The following MARCHF1 variants were observed in gnomAD, a reference collection of about 807,000 sequenced individuals.
MARCHF1 encodes E3 ubiquitin-protein ligase MARCHF1.
In MARCHF1, 40 loss-of-function variants were observed where a neutral mutation model predicts 54.2. The observed-to-expected ratio is 0.74, with a 90% CI of 0.57 to 0.96. The LOEUF is 0.96. MARCHF1 is among the 40% of genes least tolerant of loss of function. MARCHF1 has a pLI of 0.00. For missense variants in MARCHF1, 586 were observed against 656.5 expected (o/e 0.89, Z 1.17); for synonymous variants, 236 against 236.3 (o/e 1.00, Z 0.01).
intron 5 of MARCHF1, among the ~76,000 whole-genome samples, chr4:163,692,447 C>T (rs1744492145): frequency 6.6e-6 from 1 of 152,116 alleles, no homozygotes; most frequent in African/African-American, 2.4e-5. Flanking sequence ...TTCTGGGCAG[C>T]AGCAGCATGA....
intron 1 of MARCHF1, among the ~76,000 whole-genome samples, chr4:164,167,579 C>T (rs1199304159): frequency 6.6e-6 from 1 of 151,364 alleles, no homozygotes; most frequent in East Asian, 1.9e-4. Context: ...AAAAAAAAGA[C>T]ACAAAGGCCA....
chr4:163,573,757 G>A (rs1453148134), intron 8 of MARCHF1, among the ~76,000 whole-genome samples: 4 of 151,896 alleles, frequency 2.6e-5, no homozygotes, highest in African/African-American at 9.7e-5. Context: ...ATTGTGAATA[G>A]TGCCACAATA....
At chr4:164,023,789 T>A (rs1753715308) in intron 2 of MARCHF1, among the ~76,000 whole-genome samples, 1 of 152,160 alleles carries the variant, frequency 6.6e-6, no homozygotes, top group Non-Finnish European at 1.5e-5. Context: ...ACAAGAAAGC[T>A]TATTGAGAGC....
Position 163,528,367 on chromosome 4 carries a change from G to GTAA in MARCHF1, c.*378_*380dup. 1 of 186,214 alleles carries GTAA rather than the reference G, an allele frequency of 5.4e-6. No individual in the cohort carries two copies. Among genetic ancestry groups the GTAA allele is most frequent in the South Asian group, 1.3e-4 (1 of 7,536 alleles). 11.5% of individuals were successfully genotyped at this position (186,214 alleles called of 1,614,324 possible). ...CAGTTAACATTACAAGGCCCTAGAA[G>GTAA]TAATACACATCGCAATTCAAGTCTG... On this transcript the variant is annotated 3_prime_UTR_variant, in exon 10 of 10. Coordinates refer to ENST00000514618, the MANE Select transcript of MARCHF1 (RefSeq NM_001394959.1).
At chr4:163,775,654 T>C (rs1747283623) in intron 4 of MARCHF1, among the ~76,000 whole-genome samples, 1 of 152,122 alleles carries the variant, frequency 6.6e-6, no homozygotes, top group East Asian at 1.9e-4. Context: ...AAGGACTTGA[T>C]TCCCTGATTT....
chr4:163,767,428 G>A (rs1747014935), intron 4 of MARCHF1, among the ~76,000 whole-genome samples: 1 of 151,816 alleles, frequency 6.6e-6, no homozygotes, highest in Non-Finnish European at 1.5e-5. Flanking sequence ...CCCCCTCCTG[G>A]GTTCACGCCA....
chr4:163,719,480 G>T (rs542420907), intron 4 of MARCHF1, among the ~76,000 whole-genome samples: 1 of 152,020 alleles, frequency 6.6e-6, no homozygotes, highest in Admixed American at 6.5e-5. Flanking sequence ...GAATACTGCC[G>T]CAATAAACAG....
intron 1 of MARCHF1, among the ~76,000 whole-genome samples, chr4:164,181,858 G>A (rs577326180): frequency 6.0e-4 from 91 of 152,186 alleles, no homozygotes; most frequent in Non-Finnish European, 1.2e-3. Flanking sequence ...TTTAGCTAAG[G>A]ACTATGCCAC....
Position 163,528,939 on chromosome 4 carries a change from G to A in MARCHF1, c.1447C>T (p.Arg483Cys), listed in dbSNP as rs138184332. The A allele has an allele frequency of 9.3e-6, 15 of 1,613,276 alleles. No individual in the cohort carries two copies. Among genetic ancestry groups the A allele is most frequent in the South Asian group, 7.7e-5 (7 of 91,066 alleles). Residue 483 changes from arginine to cysteine, a missense_variant, in exon 10 of 10, where the codon CGC (arginine) becomes TGC (cysteine). Physicochemically the swap from Arg to Cys is radical, Grantham distance 180 (BLOSUM62 -3). Around this residue, in one of 3 missense-constraint regions of MARCHF1, gnomAD observed 106 missense variants for 93.8 expected, o/e 1.13. Coordinates refer to ENST00000514618, the MANE Select transcript of MARCHF1 (RefSeq NM_001394959.1). Reference sequence around the variant, plus strand: ...ACACGGTTGTAGGCCTTCAGCCTGCGCCACAACTGAACATAGACTTTACAC... The same window carrying A: ...ACACGGTTGTAGGCCTTCAGCCTGCACCACAACTGAACATAGACTTTACAC... ...VQCKVYVQLW[R>C]RLKAYNRVIF...
At chr4:164,225,597 T>C (rs1026138254) in intron 1 of MARCHF1, among the ~76,000 whole-genome samples, 2 of 151,996 alleles carry the variant, frequency 1.3e-5, no homozygotes, top group Non-Finnish European at 2.9e-5. Context: ...ACTGAATAAC[T>C]CACTTTTTGT....
At chr4:163,634,693 A>C (rs1258843254) in intron 5 of MARCHF1, among the ~76,000 whole-genome samples, 17 of 151,700 alleles carry the variant, frequency 1.1e-4, no homozygotes, top group East Asian at 2.0e-4. Flanking sequence ...ATCAACGAGA[A>C]AGAAAGTCAA....
intron 1 of MARCHF1, among the ~76,000 whole-genome samples, chr4:164,360,224 GA>G (rs201408549): frequency 2.0e-5 from 3 of 151,080 alleles, no homozygotes; most frequent in East Asian, 1.9e-4. Context: ...TGGCAAAAAA[GA>G]AAAAAAAATC....
chr4:163,711,619 A>G (rs973463047), intron 4 of MARCHF1, among the ~76,000 whole-genome samples: 6 of 152,286 alleles, frequency 3.9e-5, no homozygotes, highest in African/African-American at 1.4e-4. Context: ...CCACAAACTG[A>G]CTTTGCCCCA....
intron 3 of MARCHF1, among the ~76,000 whole-genome samples, chr4:163,948,577 G>T (rs1379413452): frequency 6.6e-6 from 1 of 152,194 alleles, no homozygotes; most frequent in Non-Finnish European, 1.5e-5. Flanking sequence ...TTGTTTTTCA[G>T]AAAAGCCTAT....
chr4:164,181,472 C>A (rs73873807), intron 1 of MARCHF1, among the ~76,000 whole-genome samples: 1 of 152,092 alleles, frequency 6.6e-6, no homozygotes, highest in East Asian at 1.9e-4. Context: ...ACTAATTTCA[C>A]GCTAGGGAAT....
intron 4 of MARCHF1, among the ~76,000 whole-genome samples, chr4:163,716,077 C>A (rs1354662309): frequency 6.6e-6 from 1 of 152,050 alleles, no homozygotes; most frequent in African/African-American, 2.4e-5. Flanking sequence ...TGTTTATTAC[C>A]AGGAAAATCC....
At chr4:164,141,367 G>A (rs947169676) in intron 1 of MARCHF1, among the ~76,000 whole-genome samples, 3 of 152,170 alleles carry the variant, frequency 2.0e-5, no homozygotes, top group Admixed American at 2.0e-4. Context: ...GCCCCAGCAA[G>A]TTTCTTTTTA....
intron 4 of MARCHF1, among the ~76,000 whole-genome samples, chr4:163,747,158 A>G (rs1255687170): frequency 6.6e-6 from 1 of 152,238 alleles, no homozygotes; most frequent in African/African-American, 2.4e-5. Context: ...CTTTCACCGT[A>G]CTACAAAGAA....
intron 1 of MARCHF1, among the ~76,000 whole-genome samples, chr4:164,215,752 A>T (rs1731913001): frequency 6.6e-6 from 1 of 152,220 alleles, no homozygotes; most frequent in Non-Finnish European, 1.5e-5. Flanking sequence ...GCCAGAGCAC[A>T]AGGACAAAAG....
Sources: gnomAD v4.1 joint callset for allele counts (sites outside exome capture counted in the v4.1 genomes callset) on GRCh38, gnomAD v4.1.1 for gene constraint, gnomAD v4.1.1 regional missense constraint, MANE v1.5 for transcripts, NCBI Gene and HGNC (gene_info 2026-07-23, HGNC 2026-07-21) for gene names.